ZYG11B: variants seen among roughly 807,000 people sequenced by gnomAD.
ZYG11B encodes the protein protein zyg-11 homolog B.
ZYG11B carries 36 observed loss-of-function variants against 82.4 expected under a neutral mutation model. The observed-to-expected ratio is 0.44, with a 90% CI of 0.33 to 0.58. ZYG11B has a LOEUF of 0.58. Among genes scored for constraint, ZYG11B ranks in the 20% least tolerant of loss-of-function variants. The probability of loss-of-function intolerance (pLI) is 0.02; values close to 1 mark genes in which losing one functional copy is unlikely to be tolerated. For missense variants in ZYG11B, 552 were observed against 895.6 expected, an observed-to-expected ratio of 0.62 and a Z score of 4.90; for synonymous variants, 303 against 312.8, an observed-to-expected ratio of 0.97 and a Z score of 0.33.
rs1167092779 is a variant in ZYG11B, at chr1:52,803,105, T to TACACACACACAC, written c.1695+967_1695+968insCACACACACACA. Among the ~76,000 whole-genome samples, 9 of 90,066 alleles carry TACACACACACAC rather than the reference T, an allele frequency of 1.0e-4. 3 individuals are homozygous for TACACACACACAC. The highest frequency in any genetic ancestry group is 7.5e-4 in the African/African-American group (9 of 11,932). The allele number at this position is 90,066 out of a possible 152,430, so 59.1% of individuals were successfully genotyped here. The stretch of plus-strand genomic sequence containing the variant: ...ATATACACATATATATATACATATA[T>TACACACACACAC]ATATATATATATACACACATATATA... On this transcript the variant is annotated intron_variant, in intron 10 of 13. Coordinates refer to ENST00000294353, the MANE Select transcript of ZYG11B (RefSeq NM_024646.3).
chr1:52,821,807 T>TA lies in ZYG11B; in HGVS notation c.*181dup, dbSNP rs1645286599. The TA allele has an allele frequency of 2.0e-6, 1 of 496,488 alleles. No homozygotes were observed. Among genetic ancestry groups the TA allele is most frequent in the African/African-American group, 1.9e-5 (1 of 51,522 alleles). The allele number at this position is 496,488 out of a possible 1,614,324, so 30.8% of individuals were successfully genotyped here. A position where few individuals can be genotyped will look rare whatever the true frequency, so the allele number is the denominator to read the frequency against. ...CAGTCTCTAATTTGTCTTGTGATTTTAAACTTATGAGTCAAGAAGGGTCTC... is the reference window on the plus strand; with the variant it reads ...CAGTCTCTAATTTGTCTTGTGATTTTAAAACTTATGAGTCAAGAAGGGTCTC... On this transcript the variant is annotated 3_prime_UTR_variant, in exon 14 of 14. Coordinates refer to ENST00000294353, the MANE Select transcript of ZYG11B (RefSeq NM_024646.3).
At chr1:52,760,379 G>T (rs1644618550) in intron 2 of ZYG11B, among the ~76,000 whole-genome samples, 1 of 152,094 alleles carries the variant, frequency 6.6e-6, no homozygotes, top group African/African-American at 2.4e-5. Flanking sequence ...CGGAGGTGGA[G>T]GTTGCAGTGA....
In ZYG11B at chr1:52,726,671, C is replaced by A. The variant is rs1408016620; in HGVS notation, c.18C>A (p.Ala6=). The change falls in exon 1 of 14, where the codon GCC becomes GCA. Residue 6 remains alanine, a synonymous_variant. Coordinates refer to ENST00000294353, the MANE Select transcript of ZYG11B (RefSeq NM_024646.3). The part of the protein sequence containing the change: MPEDQ[A]GAAMEEASPY... ...GAGGCTGCATGCCCGAGGACCAGGC[C>A]GGCGCAGCCATGGTGAGGGAGCAAG... 2 of 1,479,414 alleles carry A rather than the reference C, an allele frequency of 1.4e-6. No homozygotes were observed. Among genetic ancestry groups the A allele is most frequent in the Non-Finnish European group, 1.8e-6 (2 of 1,121,954 alleles). 91.6% of individuals were successfully genotyped at this position (1,479,414 alleles called of 1,614,324 possible).
At chr1:52,808,692 C>T (rs1470928284) in intron 10 of ZYG11B, among the ~76,000 whole-genome samples, 2 of 152,082 alleles carry the variant, frequency 1.3e-5, no homozygotes, top group Non-Finnish European at 2.9e-5. Context: ...ATTTTGCAGC[C>T]CTTTTCCCCA....
chr1:52,744,457 A>C (rs200728536), intron 1 of ZYG11B, among the ~76,000 whole-genome samples: 1 of 152,222 alleles, frequency 6.6e-6, no homozygotes, highest in African/African-American at 2.4e-5. Context: ...TCTACATAGG[A>C]TAGAACTGAG....
Position 52,816,517 on chromosome 1 carries a change from C to A in ZYG11B, c.1947-15C>A. The A allele has an allele frequency of 1.9e-6, 3 of 1,568,690 alleles. No homozygotes were observed. The highest frequency in any genetic ancestry group is 1.7e-6 in the Non-Finnish European group (2 of 1,149,602). On this transcript the variant is annotated splice_polypyrimidine_tract_variant and intron_variant, in intron 12 of 13. Transcript: ENST00000294353. ...TATGGGATGTAACTTTGATTCTTTT[C>A]TTTTGAACCTTTAGGTCCTTTAATC...
At chr1:52,777,069 G>C (rs1644816476) in intron 3 of ZYG11B, among the ~76,000 whole-genome samples, 1 of 151,944 alleles carries the variant, frequency 6.6e-6, no homozygotes. Context: ...AATTAGCCGG[G>C]CGTGGTGGCG....
In ZYG11B at chr1:52,739,605, CTTTG is replaced by C. The variant is rs148266516; in HGVS notation, c.30+12926_30+12929del. ...CAATTAAGTTAATATTTGCAAAGTACTTTGTTTTATTTATTTATTTTAATTTGTT... is the reference window on the plus strand; with the variant it reads ...CAATTAAGTTAATATTTGCAAAGTACTTTTATTTATTTATTTTAATTTGTT... On this transcript the variant is annotated intron_variant, in intron 1 of 13. Transcript: ENST00000294353. Among the ~76,000 whole-genome samples the C allele has an allele frequency of 6.3e-3, 956 of 151,944 alleles. 6 individuals carry two copies. Among genetic ancestry groups the C allele is most frequent in the African/African-American group, 0.022 (903 of 41,398 alleles).
intron 5 of ZYG11B, among the ~76,000 whole-genome samples, chr1:52,788,674 G>A (rs575191556): frequency 6.6e-6 from 1 of 152,260 alleles, no homozygotes; most frequent in East Asian, 1.9e-4. Context: ...AGGCTGCAGT[G>A]AGCTATGATT....
intron 3 of ZYG11B, among the ~76,000 whole-genome samples, chr1:52,774,971 AGT>A (rs1644791856): frequency 6.6e-6 from 1 of 152,026 alleles, no homozygotes; most frequent in African/African-American, 2.4e-5. Flanking sequence ...GTTAGTTCTT[AGT>A]CTTCATTTTA....
chr1:52,750,373 A>G (rs1328273633), intron 1 of ZYG11B, among the ~76,000 whole-genome samples: 1 of 151,852 alleles, frequency 6.6e-6, no homozygotes, highest in Non-Finnish European at 1.5e-5. Flanking sequence ...CCCAGGTTCA[A>G]GTGATTCTCC....
intron 5 of ZYG11B, among the ~76,000 whole-genome samples, chr1:52,785,768 T>C (rs1644907705): frequency 6.6e-6 from 1 of 152,296 alleles, no homozygotes; most frequent in African/African-American, 2.4e-5. Flanking sequence ...TTTTAGGTCA[T>C]TTGAAATTGA....
At chr1:52,777,290 AT>A (rs149157230) in intron 3 of ZYG11B, among the ~76,000 whole-genome samples, 3,698 of 152,272 alleles carry the variant, frequency 0.024, 154 homozygotes, top group African/African-American at 0.085. Flanking sequence ...AATCTTAGAA[AT>A]TCTTCATATG....
In ZYG11B at chr1:52,797,805, G is replaced by A. The variant is rs187272543; in HGVS notation, c.1485+1021G>A. 8.1e-3 allele frequency among the ~76,000 whole-genome samples: 1,212 copies of A among 149,188 alleles called. 15 individuals carry two copies. Among genetic ancestry groups the A allele is most frequent in the Middle Eastern group, 0.017 (5 of 292 alleles). ...ATTACAGGCGTGAGCCACCGTGCCCGGCCAACATTTTATATTTTAATAAAA... is the reference window on the plus strand; with the variant it reads ...ATTACAGGCGTGAGCCACCGTGCCCAGCCAACATTTTATATTTTAATAAAA... On this transcript the variant is annotated intron_variant, in intron 8 of 13. Transcript: ENST00000294353.
At chr1:52,742,944 G>T (rs1281705041) in intron 1 of ZYG11B, among the ~76,000 whole-genome samples, 1 of 151,218 alleles carries the variant, frequency 6.6e-6, no homozygotes, top group Non-Finnish European at 1.5e-5. Flanking sequence ...GTGGGGGGCA[G>T]CCCCCGCCCG....
chr1:52,728,737 G>A (rs911144700), intron 1 of ZYG11B, among the ~76,000 whole-genome samples: 2 of 152,138 alleles, frequency 1.3e-5, no homozygotes, highest in African/African-American at 4.8e-5. Context: ...AGGTATTTAG[G>A]ATCTAAAAGT....
chr1:52,815,657 G>A (rs531991704), intron 12 of ZYG11B, among the ~76,000 whole-genome samples: 3 of 151,260 alleles, frequency 2.0e-5, no homozygotes, highest in Admixed American at 6.6e-5. Flanking sequence ...TAAATAGGCC[G>A]GGCATGGTGG....
At chr1:52,807,513 A>AC (rs1645151207) in intron 10 of ZYG11B, among the ~76,000 whole-genome samples, 1 of 128,766 alleles carries the variant, frequency 7.8e-6, no homozygotes, top group African/African-American at 3.5e-5. Context: ...TTTTTTTGAG[A>AC]CAGGTTCTCA....
In ZYG11B at chr1:52,739,480, A is replaced by T. The variant is rs954535741; in HGVS notation, c.30+12797A>T. ...ATTCTATTAGCTGTAGTACTATGGGATCTGGGCAAACTGTTTTTATAGGCT... is the reference window on the plus strand; with the variant it reads ...ATTCTATTAGCTGTAGTACTATGGGTTCTGGGCAAACTGTTTTTATAGGCT... On this transcript the variant is annotated intron_variant, in intron 1 of 13. Transcript: ENST00000294353. Among the ~76,000 whole-genome samples the T allele has an allele frequency of 1.2e-4, 18 of 152,306 alleles. No individual in the cohort carries two copies. The East Asian group carries it at 3.1e-3, about 26-fold the overall frequency.
Sources: gnomAD v4.1 joint callset for allele counts (sites outside exome capture counted in the v4.1 genomes callset) on GRCh38, gnomAD v4.1.1 for gene constraint, MANE v1.5 for transcripts, NCBI Gene and HGNC (gene_info 2026-07-23, HGNC 2026-07-21) for gene names.